The following SLC45A4 variants were observed in gnomAD, a reference collection of about 807,000 sequenced individuals.
SLC45A4 encodes the protein polyamine-transporter SLC45A4.
SLC45A4 carries 32 observed loss-of-function variants against 63.7 expected under a neutral mutation model. The ratio of observed to expected loss-of-function variants is 0.50; its 90% CI spans 0.38 to 0.67. The LOEUF (loss-of-function observed/expected upper bound fraction) is 0.67. Among genes scored for constraint, SLC45A4 ranks in the 30% least tolerant of loss-of-function variants. SLC45A4 has a pLI of 0.00. For synonymous variants in SLC45A4, 535 were observed against 510.0 expected (o/e 1.05, Z -0.66); for missense variants, 1,027 against 1,157.7 (o/e 0.89, Z 1.64).
intron 1 of SLC45A4, among the ~76,000 whole-genome samples, chr8:141,285,197 C>A (rs2154615171): frequency 6.6e-6 from 1 of 152,332 alleles, no homozygotes; most frequent in South Asian, 2.1e-4. Context: ...CACTGCCCTG[C>A]CCTGCCTGCA....
intron 1 of SLC45A4, among the ~76,000 whole-genome samples, chr8:141,291,003 C>T (rs1830326628): frequency 6.6e-6 from 1 of 152,190 alleles, no homozygotes; most frequent in African/African-American, 2.4e-5. Context: ...TGCCTGCCAC[C>T]ATGCCGGGCT....
intron 1 of SLC45A4, among the ~76,000 whole-genome samples, chr8:141,270,693 AG>A (rs1011859939): frequency 1.3e-5 from 2 of 151,964 alleles, no homozygotes; most frequent in African/African-American, 4.8e-5. Flanking sequence ...TGACCCTCGC[AG>A]ACTCGCCCAG....
intron 1 of SLC45A4, among the ~76,000 whole-genome samples, chr8:141,279,690 C>T (rs901212680): frequency 6.6e-6 from 1 of 152,230 alleles, no homozygotes; most frequent in Non-Finnish European, 1.5e-5. Context: ...ACACGCCCCG[C>T]GCTGGCCGGC....
chr8:141,236,208 C>T (rs1827620772), intron 2 of SLC45A4, among the ~76,000 whole-genome samples: 1 of 152,202 alleles, frequency 6.6e-6, no homozygotes, highest in African/African-American at 2.4e-5. Context: ...TCCCTAACAC[C>T]AAAGCCCAGG....
intron 1 of SLC45A4, among the ~76,000 whole-genome samples, chr8:141,289,585 C>T (rs72681601): frequency 2.4e-3 from 368 of 152,222 alleles, no homozygotes; most frequent in Non-Finnish European, 3.7e-3. Context: ...GGAGAAGAGC[C>T]GGCTGGCCTG....
chr8:141,256,859 C>CTTT lies in SLC45A4; in HGVS notation c.-400-2233_-400-2231dup. 1.3e-5 allele frequency: 4 copies of CTTT among 308,450 alleles called. No individual in the cohort carries two copies. Among genetic ancestry groups the CTTT allele is most frequent in the African/African-American group, 2.2e-5 (1 of 44,658 alleles). 19.1% of individuals were successfully genotyped at this position (308,450 alleles called of 1,614,324 possible). ...TTTTTCAAAAAACTGTGTAATGAAA[C>CTTT]TTTTTTTTTTTTTTGAGACAGTCTC... On this transcript the variant is annotated intron_variant, in intron 1 of 8. Transcript: ENST00000517878. The surrounding 1 kb of genome is among the most constrained non-coding windows in gnomAD (Gnocchi z 4.3).
chr8:141,236,326 A>C (rs1442175648), intron 2 of SLC45A4, among the ~76,000 whole-genome samples: 11 of 151,962 alleles, frequency 7.2e-5, no homozygotes, highest in Admixed American at 7.2e-4. Context: ...TGGAACTCAA[A>C]CTCTCAGTTT....
chr8:141,221,492 C>T, intron 3 of SLC45A4, 85 bp downstream of exon 3: 1 of 1,475,474 alleles, frequency 6.8e-7, no homozygotes, highest in South Asian at 1.3e-5. Flanking sequence ...ATATTCAACA[C>T]CATTCAGCTT....
chr8:141,246,212 A>T (rs1171097251), intron 2 of SLC45A4, among the ~76,000 whole-genome samples: 1 of 152,250 alleles, frequency 6.6e-6, no homozygotes, highest in Non-Finnish European at 1.5e-5. Context: ...AGGGGGAAGC[A>T]GTGCAAAGAG....
At chr8:141,267,385 G>A (rs1242823025) in intron 1 of SLC45A4, among the ~76,000 whole-genome samples, 2 of 152,260 alleles carry the variant, frequency 1.3e-5, no homozygotes, top group Admixed American at 6.5e-5. Flanking sequence ...GCGAGCGTAC[G>A]GCTGTGCACA....
At chr8:141,231,346 A>G (rs1405614038) in intron 2 of SLC45A4, among the ~76,000 whole-genome samples, 1 of 152,192 alleles carries the variant, frequency 6.6e-6, no homozygotes, top group Non-Finnish European at 1.5e-5. Flanking sequence ...CGTGAAGGCC[A>G]CGCTGCAAGT....
chr8:141,251,449 CT>C (rs904873807), intron 2 of SLC45A4, among the ~76,000 whole-genome samples: 22 of 152,108 alleles, frequency 1.4e-4, no homozygotes, highest in African/African-American at 3.6e-4. Context: ...AGCGCCCCCC[CT>C]GCCACAGAGC....
At chr8:141,236,664 A>G (rs997658119) in intron 2 of SLC45A4, among the ~76,000 whole-genome samples, 5 of 152,258 alleles carry the variant, frequency 3.3e-5, no homozygotes, top group African/African-American at 9.6e-5. Context: ...CACCTTGTAT[A>G]CTGATTGCTT....
chr8:141,221,738 G>A lies in SLC45A4; in HGVS notation c.269C>T (p.Thr90Ile). 6.2e-7 allele frequency: 1 copy of A among 1,613,988 alleles called. No homozygotes were observed. The highest frequency in any genetic ancestry group is 8.5e-7 in the Non-Finnish European group (1 of 1,180,040). Residue 90 changes from threonine (T) to isoleucine (I), a missense_variant, in exon 3 of 9, where the codon ACC becomes ATC. Thr to Ile is a moderately conservative substitution (Grantham distance 89). Coordinates refer to ENST00000517878, the MANE Select transcript of SLC45A4 (RefSeq NM_001286646.2). ...IGLPEQYYSL[T>I]WFLSPILGLI... is the part of the protein sequence containing the mutation. ...GCCAAGGATGGGGCTCAGGAACCAG[G>A]TGAGGCTGTAGTACTGCTCCGGAAG...
At chr8:141,221,891 G>A in intron 2 of SLC45A4, 126 bp from the exon 3 acceptor site, 1 of 992,230 alleles carries the variant, frequency 1.0e-6, no homozygotes, top group Non-Finnish European at 1.5e-6. Context: ...CCCCTGCTCA[G>A]GTTGTCTCCA....
chr8:141,253,875 G>C (rs1036359398), intron 2 of SLC45A4, 114 bp downstream of exon 2: 3 of 1,444,652 alleles, frequency 2.1e-6, no homozygotes, highest in African/African-American at 2.8e-5. Context: ...AAAGACTCCA[G>C]TGCCCGGGGC....
rs2154613860 is a variant in SLC45A4 at position 141,207,484 on chromosome 8, T to C, written c.*4088A>G. The C allele has an allele frequency of 6.6e-6, 1 of 152,366 alleles. No homozygotes were observed. The highest frequency in any genetic ancestry group is 1.9e-4 in the East Asian group (1 of 5,188). 9.4% of individuals were successfully genotyped at this position (152,366 alleles called of 1,614,324 possible). The stretch of plus-strand genomic sequence containing the variant: ...GTAACATTATGTGTTTAACACACGC[T>C]TACCACCACTGCTAACTCAGCAAGC... On this transcript the variant is annotated 3_prime_UTR_variant, in exon 9 of 9. Coordinates refer to ENST00000517878, the MANE Select transcript of SLC45A4 (RefSeq NM_001286646.2).
intron 2 of SLC45A4, among the ~76,000 whole-genome samples, chr8:141,248,818 C>G (rs1301955001): frequency 6.6e-6 from 1 of 152,042 alleles, no homozygotes; most frequent in East Asian, 1.9e-4. Flanking sequence ...AGTTCGAAAC[C>G]AGCCTGGGCA....
At position 141,235,777 on chromosome 8, in the gene SLC45A4, G is replaced by A. The variant is rs61177415; in HGVS notation, c.242-14012C>T. On this transcript the variant is annotated intron_variant, in intron 2 of 8. Coordinates refer to ENST00000517878, the MANE Select transcript of SLC45A4 (RefSeq NM_001286646.2). ...ATTTAAGCGTGTGCATGTTCAAAAA[G>A]TTAAATAAACAACTGGACTGAAATG... is the stretch of plus-strand genomic sequence containing the variant. Among the ~76,000 whole-genome samples, 1,016 of 152,280 alleles carry A rather than the reference G, an allele frequency of 6.7e-3. 13 individuals are homozygous for A. Among genetic ancestry groups the A allele is most frequent in the African/African-American group, 0.023 (975 of 41,550 alleles).
Sources: allele counts gnomAD v4.1 joint callset (sites outside exome capture counted in the v4.1 genomes callset), GRCh38; gene constraint gnomAD v4.1.1; non-coding constraint Gnocchi (gnomAD v3.1); transcripts MANE v1.5; gene names NCBI Gene and HGNC (gene_info 2026-07-23, HGNC 2026-07-21).